FBXW4: variants seen among roughly 807,000 people sequenced by gnomAD.
FBXW4 encodes the protein F-box/WD repeat-containing protein 4.
A neutral mutation model predicts 61.8 loss-of-function variants in FBXW4; 40 were observed. The observed-to-expected ratio is 0.65, with a 90% CI of 0.50 to 0.84. The LOEUF (loss-of-function observed/expected upper bound fraction) is 0.84, where lower values mean the gene tolerates loss of function less well. FBXW4 is among the 40% of genes least tolerant of loss of function. FBXW4 has a pLI of 0.00. For missense variants in FBXW4, 672 were observed against 753.8 expected (o/e 0.89, Z 1.27); for synonymous variants, 311 against 313.8 (o/e 0.99, Z 0.10).
chr10:101,616,961 T>C (rs1048596789), intron 6 of FBXW4, among the ~76,000 whole-genome samples: 5 of 152,232 alleles, frequency 3.3e-5, no homozygotes, highest in Admixed American at 3.3e-4. Context: ...AAATCCCGTC[T>C]GGTAGCAGCT....
chr10:101,683,275 T>A (rs916892000), intron 1 of FBXW4, among the ~76,000 whole-genome samples: 5 of 152,226 alleles, frequency 3.3e-5, no homozygotes, highest in African/African-American at 1.2e-4. Context: ...TAGTGCCCTG[T>A]AAATAAATCT....
chr10:101,642,448 C>T (rs538775234), intron 5 of FBXW4, among the ~76,000 whole-genome samples: 364 of 151,880 alleles, frequency 2.4e-3, no homozygotes, highest in South Asian at 4.8e-3. Context: ...CCTCTGAAGT[C>T]CCATCTCCTT....
At chr10:101,679,806 T>C (rs1183867684) in intron 1 of FBXW4, among the ~76,000 whole-genome samples, 1 of 152,224 alleles carries the variant, frequency 6.6e-6, no homozygotes, top group East Asian at 1.9e-4. Context: ...TGTACAATGA[T>C]GAAGTCTGGA....
At chr10:101,659,949 C>A (rs28565478) in intron 5 of FBXW4, among the ~76,000 whole-genome samples, 4,007 of 152,154 alleles carry the variant, frequency 0.026, 178 homozygotes, top group African/African-American at 0.088. Flanking sequence ...TAATAATAAT[C>A]AAAAGGAGGA....
chr10:101,617,083 C>T (rs146469941), intron 6 of FBXW4, among the ~76,000 whole-genome samples: 3 of 152,222 alleles, frequency 2.0e-5, no homozygotes, highest in East Asian at 1.9e-4. Context: ...GAGTAGCCAC[C>T]GCAGCAACAG....
In FBXW4 at chr10:101,611,774, C is replaced by A. The variant is rs2063788431; in HGVS notation, c.1443-5G>T. The A allele has an allele frequency of 6.2e-7, 1 of 1,611,280 alleles. No homozygotes were observed. ...TCCCACTCCATGACACATTTCCTGTCCAGGAAGAGGAGAAGCAGAGGGAGG... is the reference window on the plus strand; with the variant it reads ...TCCCACTCCATGACACATTTCCTGTACAGGAAGAGGAGAAGCAGAGGGAGG... On this transcript the variant is annotated splice_region_variant and splice_polypyrimidine_tract_variant and intron_variant, in intron 7 of 8. Coordinates refer to ENST00000331272, the MANE Select transcript of FBXW4 (RefSeq NM_022039.4). The surrounding 1 kb of genome is among the most constrained non-coding windows in gnomAD (Gnocchi z 4.9).
intron 4 of FBXW4, among the ~76,000 whole-genome samples, chr10:101,670,909 A>T (rs4919578): frequency 1 from 151,850 of 152,354 alleles, 75,676 homozygotes; most frequent in East Asian, 1. Flanking sequence ...CTAGCTCAGA[A>T]GTCTTGCAAA....
rs537216050 is a variant in FBXW4 at position 101,612,229 on chromosome 10, T to G, written c.1442+108A>C. The G allele has an allele frequency of 2.4e-5, 30 of 1,259,306 alleles. No individual in the cohort carries two copies. In the African/African-American group the frequency reaches 4.4e-4, roughly 19 times the overall value. 78.0% of individuals were successfully genotyped at this position (1,259,306 alleles called of 1,614,324 possible). On this transcript the variant is annotated intron_variant, in intron 7 of 8. Transcript: ENST00000331272. ...TTGCAGGCCTCTTCCTTCCCAGCCC[T>G]GACATGGAGTCTCTGTGCCCTCTCC...
chr10:101,631,870 A>C (rs182018741), intron 5 of FBXW4, among the ~76,000 whole-genome samples: 3 of 152,044 alleles, frequency 2.0e-5, no homozygotes, highest in African/African-American at 7.2e-5. Context: ...CTTGTGATCC[A>C]CCCACCTTGG....
chr10:101,677,937 G>A (rs1371983850), intron 1 of FBXW4, among the ~76,000 whole-genome samples: 2 of 151,110 alleles, frequency 1.3e-5, no homozygotes, highest in Admixed American at 1.3e-4. Context: ...GCACACTGAA[G>A]CCTTTAGGGA....
At chr10:101,633,033 C>A (rs1564907871) in intron 5 of FBXW4, among the ~76,000 whole-genome samples, 1 of 152,138 alleles carries the variant, frequency 6.6e-6, no homozygotes, top group Non-Finnish European at 1.5e-5. Flanking sequence ...AGGTGTGGAC[C>A]CCTGGCTCTG....
At chr10:101,636,225 C>T (rs928078478) in intron 5 of FBXW4, among the ~76,000 whole-genome samples, 5 of 151,702 alleles carry the variant, frequency 3.3e-5, no homozygotes, top group Non-Finnish European at 5.9e-5. Context: ...GGGGTGGTGG[C>T]GTGCACCACC....
intron 5 of FBXW4, among the ~76,000 whole-genome samples, chr10:101,638,170 A>C (rs2064020631): frequency 6.6e-6 from 1 of 152,204 alleles, no homozygotes; most frequent in African/African-American, 2.4e-5. Flanking sequence ...TTCCCAAAGG[A>C]CTGTTTGTAA....
chr10:101,671,059 G>T (rs556350666), intron 4 of FBXW4, among the ~76,000 whole-genome samples: 2 of 152,200 alleles, frequency 1.3e-5, no homozygotes, highest in African/African-American at 2.4e-5. Context: ...TGTATTAGAA[G>T]CCTGGAGAAG....
At chr10:101,646,186 C>T (rs1275277096) in intron 5 of FBXW4, among the ~76,000 whole-genome samples, 2 of 152,164 alleles carry the variant, frequency 1.3e-5, no homozygotes, top group African/African-American at 2.4e-5. Flanking sequence ...AGAAGTGAGG[C>T]CTTGGGTCCC....
intron 6 of FBXW4, among the ~76,000 whole-genome samples, chr10:101,619,361 CAGAA>C (rs1241485984): frequency 6.6e-6 from 1 of 152,244 alleles, no homozygotes; most frequent in African/African-American, 2.4e-5. Flanking sequence ...TTCCAGAAGA[CAGAA>C]AGGCAGAAAA....
chr10:101,658,633 A>G (rs1176837527), intron 5 of FBXW4, among the ~76,000 whole-genome samples: 2 of 152,130 alleles, frequency 1.3e-5, no homozygotes, highest in Non-Finnish European at 2.9e-5. Context: ...ATCTGCTCCA[A>G]GTGGCCTGAG....
rs1406013708 is a variant in FBXW4 at position 101,673,006 on chromosome 10, G to A, written c.1049C>T (p.Thr350Ile). 1.2e-6 allele frequency: 2 copies of A among 1,613,948 alleles called. No individual in the cohort carries two copies. The highest frequency in any genetic ancestry group is 1.7e-6 in the Non-Finnish European group (2 of 1,180,042). Residue 350 changes from threonine (T) to isoleucine (I), a missense_variant, in exon 4 of 9, where the codon ACT (threonine) becomes ATT (isoleucine). Thr to Ile is a moderately conservative substitution (Grantham distance 89). This residue lies in a region of FBXW4 where 312 missense variants were observed against 370.1 expected (regional missense o/e 0.84). Coordinates refer to ENST00000331272, the MANE Select transcript of FBXW4 (RefSeq NM_022039.4). ...IGIHKIHSTF[T>I]VKYSAHEQEV... The stretch of plus-strand genomic sequence containing the variant: ...CTGTTCATGAGCCGAGTACTTGACA[G>A]TGAAGGTGCTGTGAATCTTATGAAT...
chr10:101,673,965 C>G (rs984313098), intron 2 of FBXW4, among the ~76,000 whole-genome samples: 1 of 152,164 alleles, frequency 6.6e-6, no homozygotes, highest in African/African-American at 2.4e-5. Flanking sequence ...ATTTCAATTA[C>G]TGGCTACCTA....
Sources: allele counts gnomAD v4.1 joint callset (sites outside exome capture counted in the v4.1 genomes callset), GRCh38; gene constraint gnomAD v4.1.1; regional missense constraint gnomAD v4.1.1; non-coding constraint Gnocchi (gnomAD v3.1); transcripts MANE v1.5; gene names NCBI Gene and HGNC (gene_info 2026-07-23, HGNC 2026-07-21).